The following NAB1 variants were observed in gnomAD, a reference collection of about 807,000 sequenced individuals.
NAB1 encodes the protein NGFI-A-binding protein 1.
A neutral mutation model predicts 49.9 loss-of-function variants in NAB1; 25 were observed. The observed-to-expected ratio is 0.50, with a 90% confidence interval of 0.37 to 0.70. The LOEUF (loss-of-function observed/expected upper bound fraction) is 0.70, where lower values mean the gene tolerates loss of function less well. Among genes scored for constraint, NAB1 ranks in the 30% least tolerant of loss-of-function variants. The probability of loss-of-function intolerance (pLI) is 0.00; values close to 1 mark genes in which losing one functional copy is unlikely to be tolerated. For missense variants in NAB1, 489 were observed against 575.9 expected (o/e 0.85, Z 1.54); for synonymous variants, 198 against 215.6 (o/e 0.92, Z 0.71).
Position 190,675,925 on chromosome 2 carries a change from A to G in NAB1, c.1005+2773A>G, listed in dbSNP as rs1160965438. Among the ~76,000 whole-genome samples the G allele has an allele frequency of 3.3e-5, 5 of 152,178 alleles. No homozygotes were observed. The highest frequency in any genetic ancestry group is 1.2e-4 in the African/African-American group (5 of 41,440). ...TGTAATCCTTTGCAAAATATATAGT[A>G]TTGGTATGAATCCTTGTCTGTGCTG... On this transcript the variant is annotated intron_variant, in intron 6 of 9. Transcript: ENST00000337386. This position sits in a 1 kb window ranked among gnomAD's most constrained non-coding sequence, Gnocchi z 5.2.
At chr2:190,687,092 G>T (rs190301407) in intron 8 of NAB1, 109 bp from the exon 9 acceptor site, 3 of 500,110 alleles carry the variant, frequency 6.0e-6, no homozygotes, top group Non-Finnish European at 1.0e-5. Context: ...TTCAGTGCTC[G>T]TTGACTCTCC....
intron 2 of NAB1, among the ~76,000 whole-genome samples, chr2:190,650,597 G>C (rs1693612946): frequency 6.6e-6 from 1 of 152,082 alleles, no homozygotes; most frequent in Non-Finnish European, 1.5e-5. Flanking sequence ...ATTTGTGTGT[G>C]GGTTATAAGA....
chr2:190,666,477 TG>T lies in NAB1; in HGVS notation c.820-3846del, dbSNP rs1172641999. Among the ~76,000 whole-genome samples the T allele has an allele frequency of 6.6e-6, 1 of 151,918 alleles. No individual in the cohort carries two copies. Among genetic ancestry groups the T allele is most frequent in the Non-Finnish European group, 1.5e-5 (1 of 67,964 alleles). On this transcript the variant is annotated intron_variant, in intron 4 of 9. Coordinates refer to ENST00000337386, the MANE Select transcript of NAB1 (RefSeq NM_005966.4). This position sits in a 1 kb window ranked among gnomAD's most constrained non-coding sequence, Gnocchi z 5.6. ...ATCCCAGCACTTTGGGAGGCCAAGG[TG>T]GGTGGATTGCTTGAGGTCAGGAGTT...
In NAB1 at chr2:190,678,280, A is replaced by G. The variant is rs1184188489; in HGVS notation, c.1005+5128A>G. Among the ~76,000 whole-genome samples the G allele has an allele frequency of 6.6e-6, 1 of 152,196 alleles. No homozygotes were observed. The highest frequency in any genetic ancestry group is 1.5e-5 in the Non-Finnish European group (1 of 68,038). On this transcript the variant is annotated intron_variant, in intron 6 of 9. Transcript: ENST00000337386. This position sits in a 1 kb window ranked among gnomAD's most constrained non-coding sequence, Gnocchi z 4.9. Reference sequence around the variant, plus strand: ...CTTGTCTTCTCCTAAATTTTTTTAAATGTTAGTTAAAAGTGAATTCAATTG... The same window carrying G: ...CTTGTCTTCTCCTAAATTTTTTTAAGTGTTAGTTAAAAGTGAATTCAATTG...
At chr2:190,687,422 C>T (rs6716415) in intron 9 of NAB1, 105 bp downstream of exon 9, 126,437 of 537,942 alleles carry the variant, frequency 0.24, 19,417 homozygotes, top group South Asian at 0.31. Context: ...AAAAAAAAGT[C>T]ATTACTGACA....
rs532745851 is a variant in NAB1, at chr2:190,679,357, G to A, written c.1006-4381G>A. Among the ~76,000 whole-genome samples, 2 of 152,318 alleles carry A rather than the reference G, an allele frequency of 1.3e-5. No individual in the cohort carries two copies. Among genetic ancestry groups the A allele is most frequent in the African/African-American group, 4.8e-5 (2 of 41,556 alleles). ...TGTCAAGACTGTAGGAGTAAATAATGACTAATGTGCTCAGTTGCAGAGAGA... is the reference window on the plus strand; with the variant it reads ...TGTCAAGACTGTAGGAGTAAATAATAACTAATGTGCTCAGTTGCAGAGAGA... On this transcript the variant is annotated intron_variant, in intron 6 of 9. Transcript: ENST00000337386. The surrounding 1 kb of genome is among the most constrained non-coding windows in gnomAD (Gnocchi z 5.3).
rs1300160541 is a variant in NAB1, at chr2:190,689,222, CCTGA to C, written c.1376-1018_1376-1015del. ...TAGCACCGATACTTGACTGAGTGACCCTGACTGAGTTACTTAAGTACTCGTCCTT... is the reference window on the plus strand; with the variant it reads ...TAGCACCGATACTTGACTGAGTGACCCTGAGTTACTTAAGTACTCGTCCTT... On this transcript the variant is annotated intron_variant, in intron 9 of 9. Coordinates refer to ENST00000337386, the MANE Select transcript of NAB1 (RefSeq NM_005966.4). This position sits in a 1 kb window ranked among gnomAD's most constrained non-coding sequence, Gnocchi z 4.3. Among the ~76,000 whole-genome samples the C allele has an allele frequency of 6.6e-6, 1 of 152,080 alleles. No individual in the cohort carries two copies. Among genetic ancestry groups the C allele is most frequent in the Non-Finnish European group, 1.5e-5 (1 of 68,014 alleles).
intron 4 of NAB1, among the ~76,000 whole-genome samples, chr2:190,668,316 C>A (rs937998811): frequency 6.6e-6 from 1 of 151,708 alleles, no homozygotes; most frequent in Non-Finnish European, 1.5e-5. Context: ...TCTTATGCAG[C>A]TTTTTTTTAA....
At chr2:190,673,951 CAGGGGATGGAGGTCAGTGTTCTCTT>C (rs1694949674) in intron 6 of NAB1, among the ~76,000 whole-genome samples, 1 of 149,062 alleles carries the variant, frequency 6.7e-6, no homozygotes, top group Non-Finnish European at 1.5e-5. Context: ...TTGTTTTAGG[CAGGGGATGGAGGTCAGTGTTCTCTT>C]AGCCATCCTA....
rs60742412 is a variant in NAB1, at chr2:190,687,395, CAAAAAAAAAAAA to C, written c.1375+91_1375+102del. 49 of 162,078 alleles carry C rather than the reference CAAAAAAAAAAAA, an allele frequency of 3.0e-4. 1 individual carries two copies. Among genetic ancestry groups the C allele is most frequent in the Non-Finnish European group, 4.8e-4 (44 of 91,018 alleles). The allele number at this position is 162,078 out of a possible 1,614,324, so 10.0% of individuals were successfully genotyped here. On this transcript the variant is annotated intron_variant, in intron 9 of 9. Transcript: ENST00000337386. ...AATTCTGTTCTATTTCCTCCCCCAT[CAAAAAAAAAAAA>C]AAAAAAAAAAAAGTCATTACTGACA... is the stretch of plus-strand genomic sequence containing the variant.
At chr2:190,668,937 CAAT>C (rs1455248006) in intron 4 of NAB1, among the ~76,000 whole-genome samples, 1 of 152,168 alleles carries the variant, frequency 6.6e-6, no homozygotes, top group Non-Finnish European at 1.5e-5. Flanking sequence ...AGATTAACAA[CAAT>C]AACTATTAAT....
Position 190,659,109 on chromosome 2 carries a change from G to C in NAB1, c.-19-49G>C. ...TAGTGTAACCTATTTGGTGTAAGGA[G>C]TTTGAAGCAAGTATGATGAGTTTTT... On this transcript the variant is annotated intron_variant, in intron 3 of 9. Transcript: ENST00000337386. This position sits in a 1 kb window ranked among gnomAD's most constrained non-coding sequence, Gnocchi z 6.2. The C allele has an allele frequency of 7.8e-7, 1 of 1,288,140 alleles. No homozygotes were observed. Among genetic ancestry groups the C allele is most frequent in the South Asian group, 1.5e-5 (1 of 66,172 alleles). 79.8% of individuals were successfully genotyped at this position (1,288,140 alleles called of 1,614,324 possible).
rs1574451494 is a variant in NAB1, at chr2:190,670,611, T to C, written c.953+152T>C. On this transcript the variant is annotated intron_variant, in intron 5 of 9. Transcript: ENST00000337386. The surrounding 1 kb of genome is among the most constrained non-coding windows in gnomAD (Gnocchi z 5.3). ...AAACAATGCAGTGATTTTGAAAACA[T>C]TGCCAAGGTGATTTTTGTTGTTTAA... 1 of 870,970 alleles carries C rather than the reference T, an allele frequency of 1.1e-6. No individual in the cohort carries two copies. Among genetic ancestry groups the C allele is most frequent in the East Asian group, 2.7e-5 (1 of 36,434 alleles). The allele number at this position is 870,970 out of a possible 1,614,324, so 54.0% of individuals were successfully genotyped here. A position where few individuals can be genotyped will look rare whatever the true frequency, so the allele number is the denominator to read the frequency against.
In NAB1 at chr2:190,681,143, G is replaced by A. The variant is rs971179431; in HGVS notation, c.1006-2595G>A. ...CTGTGTTTTTGTGAGTTTCATAAAGGTAGTAACTCTGAATTTATGGACTGA... is the reference window on the plus strand; with the variant it reads ...CTGTGTTTTTGTGAGTTTCATAAAGATAGTAACTCTGAATTTATGGACTGA... On this transcript the variant is annotated intron_variant, in intron 6 of 9. Coordinates refer to ENST00000337386, the MANE Select transcript of NAB1 (RefSeq NM_005966.4). Among the ~76,000 whole-genome samples, 3 of 152,272 alleles carry A rather than the reference G, an allele frequency of 2.0e-5. No individual in the cohort carries two copies. The East Asian group carries it at 5.8e-4, about 29-fold the overall frequency.
chr2:190,673,081 T>TC lies in NAB1; in HGVS notation c.954-20_954-19insC. The TC allele has an allele frequency of 6.3e-7, 1 of 1,596,322 alleles. No individual in the cohort carries two copies. Among genetic ancestry groups the TC allele is most frequent in the East Asian group, 2.2e-5 (1 of 44,690 alleles). ...TACTTTCTCAAGTTTTTTTTTTTTT[T>TC]TCTCTCCCCTTTCCCTTAGGTCAAA... On this transcript the variant is annotated intron_variant, in intron 5 of 9. Coordinates refer to ENST00000337386, the MANE Select transcript of NAB1 (RefSeq NM_005966.4).
chr2:190,668,363 G>T (rs1458878878), intron 4 of NAB1, among the ~76,000 whole-genome samples: 1 of 152,244 alleles, frequency 6.6e-6, no homozygotes, highest in Non-Finnish European at 1.5e-5. Flanking sequence ...TTGATGTCCA[G>T]AGTGAAGGTA....
At chr2:190,673,596 A>C (rs1221419037) in intron 6 of NAB1, among the ~76,000 whole-genome samples, 2 of 152,204 alleles carry the variant, frequency 1.3e-5, no homozygotes, top group Non-Finnish European at 2.9e-5. Flanking sequence ...TTAAAACTTC[A>C]CGGGTTAAAC....
rs138403365 is a variant in NAB1 at position 190,653,539 on chromosome 2, T to G, written c.-196-2438T>G. Among the ~76,000 whole-genome samples the G allele has an allele frequency of 4.3e-3, 650 of 152,316 alleles. 1 individual carries two copies. The highest frequency in any genetic ancestry group is 7.2e-3 in the Non-Finnish European group (488 of 68,012). On this transcript the variant is annotated intron_variant, in intron 2 of 9. Transcript: ENST00000337386. Reference sequence around the variant, plus strand: ...GCCTTACTAGGATTTTGCCCGTGGTTTCTTCCCACTCCTGGAAGTGTGTTC... The same window carrying G: ...GCCTTACTAGGATTTTGCCCGTGGTGTCTTCCCACTCCTGGAAGTGTGTTC...
At chr2:190,688,995 C>T (rs146519397) in intron 9 of NAB1, among the ~76,000 whole-genome samples, 2,116 of 152,116 alleles carry the variant, frequency 0.014, 48 homozygotes, top group African/African-American at 0.047. Flanking sequence ...CCCGCCACTG[C>T]ACCTGGCTAA....
Sources: gnomAD v4.1 joint callset for allele counts (sites outside exome capture counted in the v4.1 genomes callset) on GRCh38, gnomAD v4.1.1 for gene constraint, Gnocchi (gnomAD v3.1) non-coding constraint, MANE v1.5 for transcripts, NCBI Gene and HGNC (gene_info 2026-07-23, HGNC 2026-07-21) for gene names.